The following PPM1E variants were observed in gnomAD, a reference collection of about 807,000 sequenced individuals.
The protein encoded by PPM1E is protein phosphatase, Mg2+/Mn2+ dependent 1E.
PPM1E carries 20 observed loss-of-function variants against 65.9 expected under a neutral mutation model. That is an observed-to-expected ratio of 0.30 (90% CI 0.21 to 0.44). The LOEUF is 0.44. PPM1E is among the 20% of genes least tolerant of loss of function. PPM1E has a pLI of 1.00. For synonymous variants in PPM1E, 352 were observed against 374.9 expected, an observed-to-expected ratio of 0.94 and a Z score of 0.70; for missense variants, 713 against 953.1, an observed-to-expected ratio of 0.75 and a Z score of 3.32.
intron 1 of PPM1E, among the ~76,000 whole-genome samples, chr17:58,917,236 T>C (rs1234480136): frequency 6.6e-6 from 1 of 151,102 alleles, no homozygotes; most frequent in Non-Finnish European, 1.5e-5. Flanking sequence ...AAAAAAACTA[T>C]CTGTATTCAT....
chr17:58,977,346 G>A (rs2031067385), intron 6 of PPM1E, among the ~76,000 whole-genome samples: 1 of 151,578 alleles, frequency 6.6e-6, no homozygotes, highest in Non-Finnish European at 1.5e-5. Context: ...GGGAGGCTGA[G>A]GCAGGAGAAT....
intron 1 of PPM1E, among the ~76,000 whole-genome samples, chr17:58,834,362 T>C (rs944746510): frequency 2.0e-5 from 3 of 152,200 alleles, no homozygotes; most frequent in Non-Finnish European, 4.4e-5. Context: ...TTTTCTCATT[T>C]TCTTAATATC....
chr17:58,972,902 G>GTC lies in PPM1E; in HGVS notation c.1189_1190dup (p.Ser398CysfsTer45). On this transcript the variant is annotated frameshift_variant, in exon 6 of 7. Coordinates refer to ENST00000308249, the MANE Select transcript of PPM1E (RefSeq NM_014906.5). LOFTEE classifies it high-confidence loss of function. ...TTTGGTGCCTGGAGGGTGAATGGAA[G>GTC]TCTGTCGGTTTCCAGAGCTATTGGT... The GTC allele has an allele frequency of 6.2e-7, 1 of 1,613,096 alleles. No homozygotes were observed. The highest frequency in any genetic ancestry group is 8.5e-7 in the Non-Finnish European group (1 of 1,179,166).
At chr17:58,835,610 G>A (rs929045572) in intron 1 of PPM1E, among the ~76,000 whole-genome samples, 1 of 152,022 alleles carries the variant, frequency 6.6e-6, no homozygotes, top group Non-Finnish European at 1.5e-5. Flanking sequence ...CTTGAGCCCA[G>A]GAGTTCAAGA....
chr17:58,788,002 G>T (rs1364080845), intron 1 of PPM1E, among the ~76,000 whole-genome samples: 10 of 151,372 alleles, frequency 6.6e-5, no homozygotes, highest in Admixed American at 6.6e-5. Context: ...ACAAATTCTT[G>T]TTCCAAATTT....
At chr17:58,818,304 G>C (rs2050446861) in intron 1 of PPM1E, among the ~76,000 whole-genome samples, 1 of 152,160 alleles carries the variant, frequency 6.6e-6, no homozygotes, top group Non-Finnish European at 1.5e-5. Flanking sequence ...GTTTAACAGA[G>C]AGGTTAAATA....
intron 1 of PPM1E, among the ~76,000 whole-genome samples, chr17:58,921,544 A>C (rs1007383811): frequency 6.5e-4 from 98 of 151,478 alleles, no homozygotes; most frequent in African/African-American, 2.2e-3. Context: ...AACAAACAAA[A>C]AACAACATCT....
intron 1 of PPM1E, among the ~76,000 whole-genome samples, chr17:58,770,297 A>G (rs937649876): frequency 1.3e-5 from 2 of 152,146 alleles, no homozygotes; most frequent in Non-Finnish European, 1.5e-5. Flanking sequence ...AGGTAAAACT[A>G]TCCTTGACTA....
At chr17:58,971,657 A>G (rs1003458730) in intron 4 of PPM1E, among the ~76,000 whole-genome samples, 3 of 152,156 alleles carry the variant, frequency 2.0e-5, no homozygotes, top group Admixed American at 6.5e-5. Context: ...TTGTGTACCA[A>G]TCAGATGTTT....
intron 1 of PPM1E, among the ~76,000 whole-genome samples, chr17:58,805,961 CAAAAAA>C (rs71367632): frequency 1.4e-5 from 1 of 69,834 alleles, no homozygotes; most frequent in South Asian, 4.5e-4. Flanking sequence ...AAAAAAAAAA[CAAAAAA>C]AAAAAACAAA....
Position 58,755,881 on chromosome 17 carries a change from T to A in PPM1E, c.-117T>A. On this transcript the variant is annotated 5_prime_UTR_variant, in exon 1 of 7. Transcript: ENST00000308249. ...CTCCAGGCAACCTAGTGCTGATCGC[T>A]CGTGCCGGTGCGGCCGTTAACCGCC... is the stretch of plus-strand genomic sequence containing the variant. 1 of 1,510,646 alleles carries A rather than the reference T, an allele frequency of 6.6e-7. No individual in the cohort carries two copies. The highest frequency in any genetic ancestry group is 8.8e-7 in the Non-Finnish European group (1 of 1,130,672). The allele number at this position is 1,510,646 out of a possible 1,614,324, so 93.6% of individuals were successfully genotyped here. A position where few individuals can be genotyped will look rare whatever the true frequency, so the allele number is the denominator to read the frequency against.
chr17:58,845,867 G>A (rs549510277), intron 1 of PPM1E, among the ~76,000 whole-genome samples: 2 of 152,254 alleles, frequency 1.3e-5, no homozygotes, highest in East Asian at 3.9e-4. Flanking sequence ...TTTTAGTAGA[G>A]ATGGAGTGTC....
At chr17:58,941,784 C>G (rs1372139635) in intron 1 of PPM1E, among the ~76,000 whole-genome samples, 2 of 149,324 alleles carry the variant, frequency 1.3e-5, no homozygotes, top group South Asian at 2.1e-4. Flanking sequence ...GCGGGCAGAT[C>G]ACCTGAGGTC....
intron 1 of PPM1E, among the ~76,000 whole-genome samples, chr17:58,929,566 T>C (rs1347578796): frequency 6.6e-6 from 1 of 152,202 alleles, no homozygotes; most frequent in Non-Finnish European, 1.5e-5. Context: ...CACTGATGGA[T>C]TGATCAATAG....
At chr17:58,833,368 C>T (rs900501275) in intron 1 of PPM1E, among the ~76,000 whole-genome samples, 1 of 149,700 alleles carries the variant, frequency 6.7e-6, no homozygotes, top group South Asian at 2.2e-4. Context: ...AGTAGTTTTT[C>T]AACAGTTACC....
rs561185689 is a variant in PPM1E, at chr17:58,811,732, G to A, written c.464+55271G>A. ...AGTCGCCAGGCCGGAATATGGTGGT[G>A]CGATCTCAGCCCTCTGCAACCTCCA... is the stretch of plus-strand genomic sequence containing the variant. On this transcript the variant is annotated intron_variant, in intron 1 of 6. Transcript: ENST00000308249. Among the ~76,000 whole-genome samples the A allele has an allele frequency of 4.7e-4, 71 of 151,928 alleles. 2 individuals are homozygous for A. The South Asian group carries it at 0.015, about 31-fold the overall frequency.
intron 1 of PPM1E, among the ~76,000 whole-genome samples, chr17:58,794,881 C>A (rs993411062): frequency 8.2e-5 from 12 of 146,420 alleles, no homozygotes; most frequent in African/African-American, 3.0e-4. Context: ...CATATATGTA[C>A]ATGTGTCTTT....
rs562911644 is a variant in PPM1E, at chr17:58,773,813, C to T, written c.464+17352C>T. ...AAATGCAAATTCCTGTGCTCCTGCC[C>T]GCGCCTACTGAATGAGAATTTCTAT... On this transcript the variant is annotated intron_variant, in intron 1 of 6. Transcript: ENST00000308249. Among the ~76,000 whole-genome samples, 42 of 152,164 alleles carry T rather than the reference C, an allele frequency of 2.8e-4. 1 individual carries two copies. In the South Asian group the frequency reaches 7.9e-3, roughly 29 times the overall value.
Position 58,917,211 on chromosome 17 carries a change from A to G in PPM1E, c.465-38438A>G, listed in dbSNP as rs2051694513. ...GGGAACAGAGCGAGACTCTGTCTCA[A>G]AAAAAAGAAAAAAAAAAAAAACTAT... On this transcript the variant is annotated intron_variant, in intron 1 of 6. Transcript: ENST00000308249. 2.3e-5 allele frequency among the ~76,000 whole-genome samples: 3 copies of G among 130,158 alleles called. No homozygotes were observed. The Admixed American group carries it at 2.7e-4, about 12-fold the overall frequency. The allele number at this position is 130,158 out of a possible 152,430, so 85.4% of individuals were successfully genotyped here.
Sources: allele counts gnomAD v4.1 joint callset (sites outside exome capture counted in the v4.1 genomes callset), GRCh38; gene constraint gnomAD v4.1.1; transcripts MANE v1.5; gene names NCBI Gene and HGNC (gene_info 2026-07-23, HGNC 2026-07-21).